BOD1L1: variants seen among roughly 807,000 people sequenced by gnomAD.
BOD1L1 encodes biorientation of chromosomes in cell division 1 like 1, also known as biorientation of chromosomes in cell division protein 1-like 1.
Under a neutral mutation model 240.7 loss-of-function variants are expected in BOD1L1, and 86 were observed. The observed-to-expected ratio is 0.36, with a 90% CI of 0.30 to 0.43. The LOEUF (loss-of-function observed/expected upper bound fraction) is 0.43. Among genes scored for constraint, BOD1L1 ranks in the 20% least tolerant of loss-of-function variants. The probability of loss-of-function intolerance (pLI) is 1.00; values close to 1 mark genes in which losing one functional copy is unlikely to be tolerated. For synonymous variants in BOD1L1, 1,268 were observed against 1,272.3 expected (o/e 1.00, Z 0.07); for missense variants, 3,554 against 3,643.5 (o/e 0.98, Z 0.63).
intron 9 of BOD1L1, among the ~76,000 whole-genome samples, chr4:13,605,588 A>T (rs1253389346): frequency 6.6e-6 from 1 of 152,182 alleles, no homozygotes; most frequent in Non-Finnish European, 1.5e-5. Flanking sequence ...TCAATTCTGA[A>T]TCACTAGAAC....
Position 13,604,949 on chromosome 4 carries a change from C to G in BOD1L1, c.1951G>C (p.Glu651Gln). 1 of 1,613,672 alleles carries G rather than the reference C, an allele frequency of 6.2e-7. No homozygotes were observed. The highest frequency in any genetic ancestry group is 8.5e-7 in the Non-Finnish European group (1 of 1,179,786). Residue 651 changes from glutamate (E) to glutamine (Q), a missense_variant, in exon 10 of 26, where the codon GAA becomes CAA. Coordinates refer to ENST00000040738, the MANE Select transcript of BOD1L1 (RefSeq NM_148894.3). The part of the protein sequence containing the change: ...VDENKNESKL[E>Q]REHKRRTSTP... ...GATGTCCGTCTTTTATGTTCTCTTT[C>G]TAATTTGGATTCATTTTTGTTTTCG...
chr4:13,570,251 C>T (rs1712099945), intron 25 of BOD1L1, 123 bp from the exon 26 acceptor site: 1 of 628,130 alleles, frequency 1.6e-6, no homozygotes, highest in Non-Finnish European at 2.5e-6. Context: ...AACCCAGTAA[C>T]ATTTATACAT....
At chr4:13,587,553 A>C (rs1234923374) in intron 16 of BOD1L1, 146 bp downstream of exon 16, 2 of 626,876 alleles carry the variant, frequency 3.2e-6, no homozygotes, top group East Asian at 2.8e-5. Context: ...GGAGGTATCA[A>C]GCCAGTCTAG....
At chr4:13,605,951 A>G (rs1407549102) in intron 9 of BOD1L1, among the ~76,000 whole-genome samples, 1 of 152,186 alleles carries the variant, frequency 6.6e-6, no homozygotes, top group African/African-American at 2.4e-5. Context: ...GATTAATATT[A>G]ATGAGTGGAG....
intron 25 of BOD1L1, among the ~76,000 whole-genome samples, chr4:13,576,559 C>G (rs1712761833): frequency 2.6e-5 from 4 of 151,832 alleles, no homozygotes; most frequent in Admixed American, 2.6e-4. Context: ...TGAAGGATGG[C>G]AGATGCTCAA....
At chr4:13,626,727 G>A (rs2109008473) in intron 1 of BOD1L1, among the ~76,000 whole-genome samples, 1 of 152,058 alleles carries the variant, frequency 6.6e-6, no homozygotes, top group Non-Finnish European at 1.5e-5. Context: ...CACCTCTCCT[G>A]CATCTTTTCT....
Position 13,586,405 on chromosome 4 carries a change from A to G in BOD1L1, c.8424T>C (p.His2808=). The G allele has an allele frequency of 6.2e-7, 1 of 1,611,004 alleles. No homozygotes were observed. The highest frequency in any genetic ancestry group is 8.5e-7 in the Non-Finnish European group (1 of 1,177,916). ...TATGTGGAAAAAATACCTTTGTGTCATGTGGCTCCGTTTCAGGACACTGCC... is the reference window on the plus strand; with the variant it reads ...TATGTGGAAAAAATACCTTTGTGTCGTGTGGCTCCGTTTCAGGACACTGCC... ...AQRQCPETEP[H]DTKEENSRDL... The change falls in exon 17 of 26, where the codon CAT becomes CAC. Residue 2808 remains histidine, a synonymous_variant. Transcript: ENST00000040738.
intron 9 of BOD1L1, among the ~76,000 whole-genome samples, chr4:13,606,730 G>A (rs879757762): frequency 2.0e-5 from 3 of 152,156 alleles, no homozygotes; most frequent in Non-Finnish European, 2.9e-5. Flanking sequence ...CAGATTACTT[G>A]TACTCTAAAA....
intron 6 of BOD1L1, among the ~76,000 whole-genome samples, chr4:13,610,015 T>C (rs971341): frequency 0.71 from 108,272 of 152,104 alleles, 41,539 homozygotes; most frequent in East Asian, 0.96. Context: ...AACCAAGTAA[T>C]GTTTTCAAAA....
At position 13,577,738 on chromosome 4, in the gene BOD1L1, T is replaced by C. The variant is rs1038584893; in HGVS notation, c.8750-107A>G. 7.7e-6 allele frequency: 6 copies of C among 779,870 alleles called. No individual in the cohort carries two copies. In the African/African-American group the frequency reaches 1.1e-4, roughly 14 times the overall value. The allele number at this position is 779,870 out of a possible 1,614,324, so 48.3% of individuals were successfully genotyped here. On this transcript the variant is annotated intron_variant, in intron 22 of 25. Coordinates refer to ENST00000040738, the MANE Select transcript of BOD1L1 (RefSeq NM_148894.3). ...ATGTATCAGTATTAATACATTGTTA[T>C]ACATTTCATCATTATCTTGTATCAG...
chr4:13,615,442 G>T lies in BOD1L1; in HGVS notation c.429C>A (p.Ile143=), dbSNP rs1197274178. Residue 143 remains isoleucine (I), a synonymous_variant, in exon 3 of 26, where the codon ATC becomes ATA. Transcript: ENST00000040738. ...RIISQVVDPK[I]NHTFRPQVEK... is the part of the protein sequence containing the mutation. Reference sequence around the variant, plus strand: ...CTACCTGAGGTCTGAATGTGTGGTTGATCTTTGGGTCCACAACCTGAGAAA... The same window carrying T: ...CTACCTGAGGTCTGAATGTGTGGTTTATCTTTGGGTCCACAACCTGAGAAA... The T allele has an allele frequency of 6.2e-7, 1 of 1,613,468 alleles. No homozygotes were observed. Among genetic ancestry groups the T allele is most frequent in the African/African-American group, 1.3e-5 (1 of 74,916 alleles).
At chr4:13,577,381 T>G in intron 24 of BOD1L1, 22 bp downstream of exon 24, 1 of 1,605,044 alleles carries the variant, frequency 6.2e-7, no homozygotes. Flanking sequence ...TAAGACTTAT[T>G]AAGAATTTGC....
Position 13,603,792 on chromosome 4 carries a change from G to T in BOD1L1, c.3108C>A (p.Asp1036Glu), listed in dbSNP as rs747266674. 1 of 1,612,922 alleles carries T rather than the reference G, an allele frequency of 6.2e-7. No individual in the cohort carries two copies. Among genetic ancestry groups the T allele is most frequent in the Non-Finnish European group, 8.5e-7 (1 of 1,179,760 alleles). Residue 1036 changes from aspartate to glutamate, a missense_variant, in exon 10 of 26, where the codon GAC (aspartate) becomes GAA (glutamate). Asp to Glu is a conservative substitution (Grantham distance 45). This residue lies in a region of BOD1L1 where 3,393 missense variants were observed against 3,427.1 expected (regional missense o/e 0.99). Transcript: ENST00000040738. ...KHSSKDIKKK[D>E]ENKSDDKDGK... ...CATCCTTGTCATCTGATTTATTTTCGTCCTTCTTTTTTATGTCTTTACTAC... is the reference window on the plus strand; with the variant it reads ...CATCCTTGTCATCTGATTTATTTTCTTCCTTCTTTTTTATGTCTTTACTAC...
At chr4:13,589,718 G>A (rs1232587013) in intron 14 of BOD1L1, among the ~76,000 whole-genome samples, 2 of 152,200 alleles carry the variant, frequency 1.3e-5, no homozygotes, top group Non-Finnish European at 2.9e-5. Flanking sequence ...TAAAAGGTAT[G>A]TGAAGCAAAT....
chr4:13,573,416 C>T (rs1712376621), intron 25 of BOD1L1, among the ~76,000 whole-genome samples: 1 of 147,086 alleles, frequency 6.8e-6, no homozygotes, highest in South Asian at 2.3e-4. Context: ...TTGCTTCTAT[C>T]TATCTGTCTG....
At chr4:13,578,488 T>C (rs941661482) in intron 22 of BOD1L1, among the ~76,000 whole-genome samples, 2 of 152,240 alleles carry the variant, frequency 1.3e-5, no homozygotes, top group East Asian at 3.8e-4. Context: ...TCTGAATAAA[T>C]TCAAAATCTG....
Position 13,603,086 on chromosome 4 carries a change from G to A in BOD1L1, c.3814C>T (p.Leu1272Phe), listed in dbSNP as rs1357525721. 1.2e-6 allele frequency: 2 copies of A among 1,613,898 alleles called. No homozygotes were observed. The highest frequency in any genetic ancestry group is 1.7e-6 in the Non-Finnish European group (2 of 1,179,888). Residue 1272 changes from leucine to phenylalanine, a missense_variant, in exon 10 of 26, where the codon CTT becomes TTT. Coordinates refer to ENST00000040738, the MANE Select transcript of BOD1L1 (RefSeq NM_148894.3). ...EEHVAQGDAT[L>F]EHSTNLDSSP... ...GAGTCTAAATTTGTGGAATGTTCAA[G>A]AGTGGCATCTCCTTGAGCAACATGT...
chr4:13,595,626 G>T (rs770304535), intron 12 of BOD1L1, among the ~76,000 whole-genome samples: 1 of 152,132 alleles, frequency 6.6e-6, no homozygotes, highest in Non-Finnish European at 1.5e-5. Flanking sequence ...ATTATTATTT[G>T]GGGGTAATCA....
rs555836394 is a variant in BOD1L1 at position 13,590,405 on chromosome 4, G to A, written c.8190C>T (p.Ser2730=). ...ACTTACCTCCTTTGTTATAAGATTC[G>A]CTATGAATTTCTTCATTTGTTCTGA... The part of the protein sequence containing the change: ...SGFRTNEEIH[S]ESYNKGEISS... The change falls in exon 14 of 26, where the codon AGC becomes AGT. Residue 2730 remains serine (S), a synonymous_variant. Transcript: ENST00000040738. 29 of 1,507,702 alleles carry A rather than the reference G, an allele frequency of 1.9e-5. No homozygotes were observed. The highest frequency in any genetic ancestry group is 1.7e-4 in the South Asian group (14 of 83,190). 93.4% of individuals were successfully genotyped at this position (1,507,702 alleles called of 1,614,324 possible). A position where few individuals can be genotyped will look rare whatever the true frequency, so the allele number is the denominator to read the frequency against.
Sources: allele counts gnomAD v4.1 joint callset (sites outside exome capture counted in the v4.1 genomes callset), GRCh38; gene constraint gnomAD v4.1.1; regional missense constraint gnomAD v4.1.1; transcripts MANE v1.5; gene names NCBI Gene and HGNC (gene_info 2026-07-23, HGNC 2026-07-21).